UBE2E2: variants seen among roughly 807,000 people sequenced by gnomAD.
UBE2E2 encodes ubiquitin-conjugating enzyme E2 E2.
UBE2E2 carries 6 observed loss-of-function variants against 24.7 expected under a neutral mutation model. The observed-to-expected ratio is 0.24, with a 90% CI of 0.13 to 0.48. UBE2E2 has a LOEUF of 0.48. UBE2E2 is among the 20% of genes least tolerant of loss of function. The pLI is 0.99. For missense variants in UBE2E2, 169 were observed against 245.0 expected, an observed-to-expected ratio of 0.69 and a Z score of 2.07; for synonymous variants, 104 against 83.6, an observed-to-expected ratio of 1.24 and a Z score of -1.33.
At chr3:23,491,803 A>T (rs1559401027) in intron 3 of UBE2E2, among the ~76,000 whole-genome samples, 1 of 152,200 alleles carries the variant, frequency 6.6e-6, no homozygotes, top group Non-Finnish European at 1.5e-5. Flanking sequence ...TGGTAAACAG[A>T]TTGGAGGGAA....
chr3:23,541,335 A>G (rs938651778), intron 5 of UBE2E2, among the ~76,000 whole-genome samples: 1 of 152,242 alleles, frequency 6.6e-6, no homozygotes, highest in African/African-American at 2.4e-5. Context: ...CCTCTTCCTC[A>G]GAAAAGAAAG....
At position 23,389,815 on chromosome 3, in the gene UBE2E2, A is replaced by T. The variant is rs75181516; in HGVS notation, c.228-109793A>T. The stretch of plus-strand genomic sequence containing the variant: ...ACCCACTTCTTGAGGTGATGTGGCA[A>T]AATCAACCCTTGGTCTGTCACAGTC... On this transcript the variant is annotated intron_variant, in intron 3 of 5. Coordinates refer to ENST00000396703, the MANE Select transcript of UBE2E2 (RefSeq NM_152653.4). 7.0e-4 allele frequency: 117 copies of T among 165,974 alleles called. 5 individuals are homozygous for T. The East Asian group carries it at 0.015, about 21-fold the overall frequency. The allele number at this position is 165,974 out of a possible 1,614,324, so 10.3% of individuals were successfully genotyped here. A position where few individuals can be genotyped will look rare whatever the true frequency, so the allele number is the denominator to read the frequency against.
chr3:23,577,146 A>G (rs1696364806), intron 5 of UBE2E2, among the ~76,000 whole-genome samples: 1 of 152,100 alleles, frequency 6.6e-6, no homozygotes, highest in African/African-American at 2.4e-5. Context: ...TGAAAGGAAG[A>G]GTCAAATGTC....
At chr3:23,408,897 C>T (rs1697432314) in intron 3 of UBE2E2, among the ~76,000 whole-genome samples, 1 of 152,036 alleles carries the variant, frequency 6.6e-6, no homozygotes, top group African/African-American at 2.4e-5. Flanking sequence ...TTGTATTAGC[C>T]TTTGAGTTTT....
At chr3:23,314,830 C>G (rs561941283) in intron 3 of UBE2E2, among the ~76,000 whole-genome samples, 2 of 152,270 alleles carry the variant, frequency 1.3e-5, no homozygotes, top group South Asian at 4.2e-4. Flanking sequence ...TGTATTGGAG[C>G]TCCATTGTAT....
chr3:23,290,115 T>C (rs756185112), intron 3 of UBE2E2, among the ~76,000 whole-genome samples: 43 of 152,246 alleles, frequency 2.8e-4, no homozygotes, highest in Admixed American at 2.0e-4. Flanking sequence ...TTTTAGAATA[T>C]GTATGTATAT....
intron 5 of UBE2E2, among the ~76,000 whole-genome samples, chr3:23,579,820 G>A (rs905125444): frequency 6.6e-6 from 1 of 152,188 alleles, no homozygotes; most frequent in East Asian, 1.9e-4. Context: ...ACCATTCTGT[G>A]TGCCATTAAG....
At chr3:23,314,433 G>A (rs142245529) in intron 3 of UBE2E2, among the ~76,000 whole-genome samples, 1 of 55,154 alleles carries the variant, frequency 1.8e-5, no homozygotes, top group East Asian at 4.6e-4. Context: ...GCCCGCCATA[G>A]TTATTATTTT....
intron 3 of UBE2E2, among the ~76,000 whole-genome samples, chr3:23,329,954 C>T (rs1454666305): frequency 6.6e-6 from 1 of 152,270 alleles, no homozygotes. Context: ...CCTGCTTCTG[C>T]ATTAAGTGGT....
At chr3:23,547,180 A>G (rs1695544404) in intron 5 of UBE2E2, among the ~76,000 whole-genome samples, 1 of 152,226 alleles carries the variant, frequency 6.6e-6, no homozygotes, top group Non-Finnish European at 1.5e-5. Flanking sequence ...AGAGAGGAAT[A>G]ACTGTGTCAG....
chr3:23,426,764 G>A lies in UBE2E2; in HGVS notation c.228-72844G>A, dbSNP rs1242210836. On this transcript the variant is annotated intron_variant, in intron 3 of 5. Transcript: ENST00000396703. ...GAAGTTCTTCAGAGAGAAGGAAAAT[G>A]ACATAGGTCAAAAACTGGGATCTCC... Among the ~76,000 whole-genome samples, 3 of 152,200 alleles carry A rather than the reference G, an allele frequency of 2.0e-5. No homozygotes were observed. In the East Asian group the frequency reaches 5.8e-4, roughly 29 times the overall value.
At chr3:23,540,436 ACT>A (rs1695368519) in intron 5 of UBE2E2, among the ~76,000 whole-genome samples, 2 of 146,208 alleles carry the variant, frequency 1.4e-5, no homozygotes, top group African/African-American at 5.1e-5. Flanking sequence ...AGACAGTTTC[ACT>A]CTGTCTCCCA....
chr3:23,333,663 C>T (rs1695127310), intron 3 of UBE2E2, among the ~76,000 whole-genome samples: 1 of 151,982 alleles, frequency 6.6e-6, no homozygotes, highest in Non-Finnish European at 1.5e-5. Flanking sequence ...AATAATTTGA[C>T]AGTATTTATA....
intron 3 of UBE2E2, among the ~76,000 whole-genome samples, chr3:23,391,183 G>A (rs564053345): frequency 1.3e-5 from 2 of 152,300 alleles, no homozygotes; most frequent in South Asian, 2.1e-4. Flanking sequence ...CCAGCCAGTA[G>A]CATTTTGTCA....
chr3:23,396,552 ATGATT>A (rs1697083287), intron 3 of UBE2E2, among the ~76,000 whole-genome samples: 1 of 151,958 alleles, frequency 6.6e-6, no homozygotes, highest in Admixed American at 6.6e-5. Context: ...GTAGAAAATC[ATGATT>A]TAGTAGAAAG....
intron 3 of UBE2E2, among the ~76,000 whole-genome samples, chr3:23,473,602 G>GA (rs1324055743): frequency 6.6e-6 from 1 of 151,964 alleles, no homozygotes; most frequent in African/African-American, 2.4e-5. Flanking sequence ...TTTCCCCACT[G>GA]AGTCCCCGAA....
chr3:23,382,591 C>G (rs758902801), intron 3 of UBE2E2, among the ~76,000 whole-genome samples: 1 of 152,132 alleles, frequency 6.6e-6, no homozygotes, highest in African/African-American at 2.4e-5. Flanking sequence ...TTATCTTGAG[C>G]GAAGTAGTAT....
At chr3:23,443,305 G>A (rs1698346812) in intron 3 of UBE2E2, among the ~76,000 whole-genome samples, 2 of 152,214 alleles carry the variant, frequency 1.3e-5, no homozygotes, top group African/African-American at 4.8e-5. Context: ...AAGCAGAGCA[G>A]CATGTGCTGT....
chr3:23,587,677 A>G (rs1696658574), intron 5 of UBE2E2, among the ~76,000 whole-genome samples: 1 of 152,354 alleles, frequency 6.6e-6, no homozygotes, highest in South Asian at 2.1e-4. Flanking sequence ...TAATGTCATT[A>G]CTTAAGCTCA....
Sources: gnomAD v4.1 joint callset for allele counts (sites outside exome capture counted in the v4.1 genomes callset) on GRCh38, gnomAD v4.1.1 for gene constraint, MANE v1.5 for transcripts, NCBI Gene and HGNC (gene_info 2026-07-23, HGNC 2026-07-21) for gene names.